Variants in GPRIN1 observed in about 807,000 individuals in gnomAD.
GPRIN1 encodes G protein regulated inducer of neurite outgrowth 1, also known as G protein-regulated inducer of neurite outgrowth 1.
GPRIN1 carries 4 observed loss-of-function variants against 2.8 expected under a neutral mutation model. The observed-to-expected ratio is 1.45, with a 90% CI of 0.71 to 3.32. The LOEUF (loss-of-function observed/expected upper bound fraction) is 3.32. GPRIN1 is among the 30% of genes most tolerant of loss of function. GPRIN1 has a pLI of 0.01. For missense variants in GPRIN1, 1,322 were observed against 1,343.4 expected, an observed-to-expected ratio of 0.98 and a Z score of 0.25; for synonymous variants, 589 against 589.9, an observed-to-expected ratio of 1.00 and a Z score of 0.02.
rs1759106510 is a variant in GPRIN1 at position 176,599,202 on chromosome 5, A to C, written c.633T>G (p.Leu211=). ...MDPMTVRKED[L]GSLGKVDPLC... ...AAGGATCTACTTTTCCCAGGGATCC[A>C]AGATCTTCCTTTCTTACAGTCATGG... Residue 211 remains leucine (L), a synonymous_variant, in exon 2 of 2, where the codon CTT becomes CTG. Coordinates refer to ENST00000303991, the MANE Select transcript of GPRIN1 (RefSeq NM_052899.3). The C allele has an allele frequency of 6.2e-7, 1 of 1,613,792 alleles. No homozygotes were observed. The highest frequency in any genetic ancestry group is 8.5e-7 in the Non-Finnish European group (1 of 1,179,952).
chr5:176,608,996 G>T (rs1759267885), intron 1 of GPRIN1, among the ~76,000 whole-genome samples: 1 of 152,222 alleles, frequency 6.6e-6, no homozygotes, highest in African/African-American at 2.4e-5. Context: ...GGTGTGGGGG[G>T]AGAAGGAATC....
intron 1 of GPRIN1, among the ~76,000 whole-genome samples, chr5:176,605,922 G>C (rs1420881703): frequency 6.6e-6 from 1 of 152,202 alleles, no homozygotes; most frequent in Non-Finnish European, 1.5e-5. Context: ...ACAGCTGCCT[G>C]GCTGGTGTAC....
chr5:176,598,509 A>G lies in GPRIN1; in HGVS notation c.1326T>C (p.Arg442=). ...CAGTTCCTGCCTTTCCCACAGACAC[A>G]CGCTCTGCCTGTCCAGGAGACAAGA... ...PELLSPGQAE[R]VSVGKAGTVS... is the part of the protein sequence containing the mutation. The change falls in exon 2 of 2, where the codon CGT becomes CGC. Residue 442 remains arginine (R), a synonymous_variant. Transcript: ENST00000303991. 6.2e-7 allele frequency: 1 copy of G among 1,614,024 alleles called. No individual in the cohort carries two copies. Among genetic ancestry groups the G allele is most frequent in the Non-Finnish European group, 8.5e-7 (1 of 1,179,994 alleles).
In GPRIN1 at chr5:176,597,333, G is replaced by T; in HGVS notation, c.2502C>A (p.Gly834=). The change falls in exon 2 of 2, where the codon GGC becomes GGA. Residue 834 remains glycine (G), a synonymous_variant. Transcript: ENST00000303991. This position sits in a 1 kb window ranked among gnomAD's most constrained non-coding sequence, Gnocchi z 6.1. ...GGAAGCTGAAGGCCGAGCCCCCAGC[G>T]CCGTCCTGCGGAGACATGGGGCTCA... is the stretch of plus-strand genomic sequence containing the variant. ...VAVSPMSPQD[G]AGGSAFSFQA... The T allele has an allele frequency of 8.0e-7, 1 of 1,243,528 alleles. No individual in the cohort carries two copies. The highest frequency in any genetic ancestry group is 3.4e-5 in the South Asian group (1 of 29,344). The allele number at this position is 1,243,528 out of a possible 1,614,324, so 77.0% of individuals were successfully genotyped here. A position where few individuals can be genotyped will look rare whatever the true frequency, so the allele number is the denominator to read the frequency against.
In GPRIN1 at chr5:176,605,094, CTT is replaced by C. The variant is rs33965999; in HGVS notation, c.-44+4903_-44+4904del. ...AATATCATACAGGCTAAACAAAACA[CTT>C]TTTTTTTTTTTTTTTGAGACAGAGT... On this transcript the variant is annotated intron_variant, in intron 1 of 1. Transcript: ENST00000303991. Among the ~76,000 whole-genome samples, 1,155 of 132,852 alleles carry C rather than the reference CTT, an allele frequency of 8.7e-3. 13 individuals are homozygous for C. Among genetic ancestry groups the C allele is most frequent in the African/African-American group, 0.03 (1,095 of 36,116 alleles). The allele number at this position is 132,852 out of a possible 152,430, so 87.2% of individuals were successfully genotyped here.
rs368776103 is a variant in GPRIN1, at chr5:176,596,796, A to C, written c.*12T>G. The C allele has an allele frequency of 1.5e-5, 22 of 1,423,860 alleles. No homozygotes were observed. Among genetic ancestry groups the C allele is most frequent in the Non-Finnish European group, 1.9e-5 (21 of 1,088,644 alleles). 88.2% of individuals were successfully genotyped at this position (1,423,860 alleles called of 1,614,324 possible). A position where few individuals can be genotyped will look rare whatever the true frequency, so the allele number is the denominator to read the frequency against. On this transcript the variant is annotated 3_prime_UTR_variant, in exon 2 of 2. Coordinates refer to ENST00000303991, the MANE Select transcript of GPRIN1 (RefSeq NM_052899.3). The surrounding 1 kb of genome is among the most constrained non-coding windows in gnomAD (Gnocchi z 5.2). ...GAAGGTCGGAAACTCGGGCGTACAA[A>C]ATGGGGGCAGATCACTCGGCCGTGG...
In GPRIN1 at chr5:176,597,333, G is replaced by A; in HGVS notation, c.2502C>T (p.Gly834=). ...VAVSPMSPQD[G]AGGSAFSFQA... ...GGAAGCTGAAGGCCGAGCCCCCAGC[G>A]CCGTCCTGCGGAGACATGGGGCTCA... Residue 834 remains glycine (G), a synonymous_variant, in exon 2 of 2, where the codon GGC becomes GGT. Transcript: ENST00000303991. This position sits in a 1 kb window ranked among gnomAD's most constrained non-coding sequence, Gnocchi z 6.1. 4.0e-6 allele frequency: 5 copies of A among 1,243,528 alleles called. No individual in the cohort carries two copies. The highest frequency in any genetic ancestry group is 6.8e-5 in the South Asian group (2 of 29,344). 77.0% of individuals were successfully genotyped at this position (1,243,528 alleles called of 1,614,324 possible).
chr5:176,596,627 G>A lies in GPRIN1; in HGVS notation c.*181C>T. 1 of 421,718 alleles carries A rather than the reference G, an allele frequency of 2.4e-6. No individual in the cohort carries two copies. The highest frequency in any genetic ancestry group is 5.1e-5 in the Admixed American group (1 of 19,692). The allele number at this position is 421,718 out of a possible 1,614,324, so 26.1% of individuals were successfully genotyped here. Reference sequence around the variant, plus strand: ...GGCCTCGTGGCCACGAGGGAGCTTGGTAGAAGGGGTTCTTCTGTATTTGTG... The same window carrying A: ...GGCCTCGTGGCCACGAGGGAGCTTGATAGAAGGGGTTCTTCTGTATTTGTG... On this transcript the variant is annotated 3_prime_UTR_variant, in exon 2 of 2. Transcript: ENST00000303991. The surrounding 1 kb of genome is among the most constrained non-coding windows in gnomAD (Gnocchi z 5.2).
At chr5:176,608,742 G>A (rs1315458349) in intron 1 of GPRIN1, among the ~76,000 whole-genome samples, 2 of 152,152 alleles carry the variant, frequency 1.3e-5, no homozygotes, top group Admixed American at 6.5e-5. Context: ...GCCCATTCAG[G>A]CCACAGAGAC....
rs747028664 is a variant in GPRIN1 at position 176,597,992 on chromosome 5, TCCC to T, written c.1840_1842del (p.Gly614del). 1.9e-6 allele frequency: 3 copies of T among 1,613,902 alleles called. No homozygotes were observed. The South Asian group carries it at 3.3e-5, about 18-fold the overall frequency. On this transcript the variant is annotated inframe_deletion, in exon 2 of 2. Coordinates refer to ENST00000303991, the MANE Select transcript of GPRIN1 (RefSeq NM_052899.3). This position sits in a 1 kb window ranked among gnomAD's most constrained non-coding sequence, Gnocchi z 6.1. ...TCCGCCTTTGTGGTGGTAACAGGAC[TCCC>T]CTTCTCTAGAGGCAGAGAACCCACT...
chr5:176,599,341 G>C lies in GPRIN1; in HGVS notation c.494C>G (p.Ser165Cys). The C allele has an allele frequency of 6.2e-7, 1 of 1,614,198 alleles. No homozygotes were observed. Residue 165 changes from serine to cysteine, a missense_variant, in exon 2 of 2, where the codon TCC (serine) becomes TGC (cysteine). Physicochemically the swap from Ser to Cys is moderately radical, Grantham distance 112 (BLOSUM62 -1). Coordinates refer to ENST00000303991, the MANE Select transcript of GPRIN1 (RefSeq NM_052899.3). ...FKSSKQADST[S>C]IGKEDPGSSR... ...GGACCCAGGATCCTCCTTTCCTATGGAAGTGGAATCGGCCTGCTTTGAGGA... is the reference window on the plus strand; with the variant it reads ...GGACCCAGGATCCTCCTTTCCTATGCAAGTGGAATCGGCCTGCTTTGAGGA...
intron 1 of GPRIN1, among the ~76,000 whole-genome samples, chr5:176,605,859 C>G (rs1183886154): frequency 6.6e-6 from 1 of 152,046 alleles, no homozygotes; most frequent in East Asian, 1.9e-4. Context: ...CAGTGAGGGC[C>G]AGGATCTGCC....
chr5:176,604,141 G>C (rs77773289), intron 1 of GPRIN1, among the ~76,000 whole-genome samples: 2,782 of 152,332 alleles, frequency 0.018, 32 homozygotes, highest in South Asian at 0.076. Flanking sequence ...ATTGGGAGGA[G>C]AGAAATAAAC....
Position 176,610,153 on chromosome 5 carries a change from C to CCGCCCCG in GPRIN1, c.-199_-198insCGGGGCG, listed in dbSNP as rs944022615. On this transcript the variant is annotated 5_prime_UTR_variant, in exon 1 of 2. Transcript: ENST00000303991. ...CGTCCCCAGCGCCGGCTCCGCGCTCCCGCCCCGCGCCCCGCCCCGGGCATG... is the reference window on the plus strand; with the variant it reads ...CGTCCCCAGCGCCGGCTCCGCGCTCCCGCCCCGCGCCCCGCGCCCCGCCCCGGGCATG... The CCGCCCCG allele has an allele frequency of 8.0e-5, 12 of 150,942 alleles. No individual in the cohort carries two copies. The highest frequency in any genetic ancestry group is 1.6e-4 in the Non-Finnish European group (11 of 67,296). 9.4% of individuals were successfully genotyped at this position (150,942 alleles called of 1,614,324 possible). A position where few individuals can be genotyped will look rare whatever the true frequency, so the allele number is the denominator to read the frequency against.
Position 176,597,515 on chromosome 5 carries a change from C to A in GPRIN1, c.2320G>T (p.Glu774Ter). 1 of 1,476,966 alleles carries A rather than the reference C, an allele frequency of 6.8e-7. No homozygotes were observed. Among genetic ancestry groups the A allele is most frequent in the Non-Finnish European group, 9.0e-7 (1 of 1,112,714 alleles). 91.5% of individuals were successfully genotyped at this position (1,476,966 alleles called of 1,614,324 possible). Residue 774 changes from glutamate (E) to a stop codon, truncating the protein, a stop_gained, in exon 2 of 2, where the codon GAG becomes TAG. Coordinates refer to ENST00000303991, the MANE Select transcript of GPRIN1 (RefSeq NM_052899.3). LOFTEE classifies it low-confidence loss of function (END_TRUNC). The surrounding 1 kb of genome is among the most constrained non-coding windows in gnomAD (Gnocchi z 6.1). ...GQKDLEAAGA[E>*]RSPCPEAAAP... ...GCGGCCTCTGGGCAGGGGCTTCTCT[C>A]GGCCCCAGCGGCTTCCAGGTCTTTC...
Position 176,597,271 on chromosome 5 carries a change from C to A in GPRIN1, c.2564G>T (p.Arg855Leu). 1.6e-6 allele frequency: 2 copies of A among 1,240,494 alleles called. No individual in the cohort carries two copies. The highest frequency in any genetic ancestry group is 3.4e-5 in the South Asian group (1 of 29,068). 76.8% of individuals were successfully genotyped at this position (1,240,494 alleles called of 1,614,324 possible). A position where few individuals can be genotyped will look rare whatever the true frequency, so the allele number is the denominator to read the frequency against. The change falls in exon 2 of 2, where the codon CGA (arginine) becomes CTA (leucine). Residue 855 changes from arginine (R) to leucine (L), a missense_variant. By Grantham distance (102) the Arg-to-Leu change is moderately radical. Transcript: ENST00000303991. The surrounding 1 kb of genome is among the most constrained non-coding windows in gnomAD (Gnocchi z 6.1). The stretch of plus-strand genomic sequence containing the variant: ...CAGCGACACCTGCAGGCCCGCATCT[C>A]GGCGCGAGGGCGGGCTGGGCGCGCG... Reference protein sequence around the residue: ...APRAPSPPSRRDAGLQVSLGA... With the variant: ...APRAPSPPSRLDAGLQVSLGA...
intron 1 of GPRIN1, among the ~76,000 whole-genome samples, chr5:176,607,471 G>A (rs913221854): frequency 6.6e-6 from 1 of 152,164 alleles, no homozygotes; most frequent in Non-Finnish European, 1.5e-5. Context: ...AGCCTCCCGA[G>A]TAGCTGGGAT....
Position 176,602,285 on chromosome 5 carries a change from C to T in GPRIN1, c.-43-2408G>A, listed in dbSNP as rs971492715. 1.3e-5 allele frequency among the ~76,000 whole-genome samples: 2 copies of T among 152,250 alleles called. No individual in the cohort carries two copies. Among genetic ancestry groups the T allele is most frequent in the Non-Finnish European group, 2.9e-5 (2 of 68,048 alleles). ...CAGCCTCCTCCCCAGCTCTGGCTGGCATTCTCCACCCTCTTATTCTAATCA... is the reference window on the plus strand; with the variant it reads ...CAGCCTCCTCCCCAGCTCTGGCTGGTATTCTCCACCCTCTTATTCTAATCA... On this transcript the variant is annotated intron_variant, in intron 1 of 1. Coordinates refer to ENST00000303991, the MANE Select transcript of GPRIN1 (RefSeq NM_052899.3). This position sits in a 1 kb window ranked among gnomAD's most constrained non-coding sequence, Gnocchi z 4.4.
chr5:176,609,705 G>A (rs1429882601), intron 1 of GPRIN1, among the ~76,000 whole-genome samples: 1 of 151,922 alleles, frequency 6.6e-6, no homozygotes, highest in Non-Finnish European at 1.5e-5. Context: ...GCGCGGGGCC[G>A]ACCCCACAGC....
Sources: allele counts gnomAD v4.1 joint callset (sites outside exome capture counted in the v4.1 genomes callset), GRCh38; gene constraint gnomAD v4.1.1; non-coding constraint Gnocchi (gnomAD v3.1); transcripts MANE v1.5; gene names NCBI Gene and HGNC (gene_info 2026-07-23, HGNC 2026-07-21).